The following AGMO variants were observed in gnomAD, a reference collection of about 807,000 sequenced individuals.
AGMO encodes the protein glyceryl-ether monooxygenase.
A neutral mutation model predicts 60.2 loss-of-function variants in AGMO; 75 were observed. The ratio of observed to expected loss-of-function variants is 1.25; its 90% CI spans 1.03 to 1.51. AGMO has a LOEUF of 1.51. Ranked by LOEUF, AGMO falls within the 40% of genes most tolerant of loss-of-function variation. AGMO has a pLI of 0.00. For synonymous variants in AGMO, 261 were observed against 177.1 expected (o/e 1.47, Z -3.76); for missense variants, 763 against 525.5 (o/e 1.45, Z -4.42).
chr7:15,380,562 A>G (rs191791570), intron 10 of AGMO, among the ~76,000 whole-genome samples: 17 of 152,342 alleles, frequency 1.1e-4, no homozygotes, highest in Admixed American at 2.6e-4. Context: ...GCAAGATTCA[A>G]TATCATTTAA....
chr7:15,546,930 A>G (rs1784796609), intron 2 of AGMO, among the ~76,000 whole-genome samples: 1 of 152,202 alleles, frequency 6.6e-6, no homozygotes, highest in Non-Finnish European at 1.5e-5. Context: ...TACTGAAACT[A>G]TGAAATCTTA....
intron 3 of AGMO, among the ~76,000 whole-genome samples, chr7:15,453,707 C>T (rs1781915713): frequency 6.6e-6 from 1 of 152,036 alleles, no homozygotes; most frequent in African/African-American, 2.4e-5. Context: ...AGGCTTAGAG[C>T]TTCAGCTTGT....
At chr7:15,133,192 G>A in the AGMO span, among the ~76,000 whole-genome samples, 1 of 152,146 alleles carries the variant, frequency 6.6e-6, no homozygotes, top group East Asian at 1.9e-4. Context: ...GTATGAGAGT[G>A]GGAAAGAGTA....
At chr7:15,406,832 A>G (rs1233565524) in intron 5 of AGMO, among the ~76,000 whole-genome samples, 2 of 112,984 alleles carry the variant, frequency 1.8e-5, no homozygotes, top group South Asian at 6.0e-4. Context: ...ACGTATACAC[A>G]TATATGTATA....
At chr7:15,484,308 G>T (rs1782853352) in intron 3 of AGMO, among the ~76,000 whole-genome samples, 1 of 151,956 alleles carries the variant, frequency 6.6e-6, no homozygotes, top group Non-Finnish European at 1.5e-5. Flanking sequence ...CCCATTCTTT[G>T]GCCTGGTACA....
At chr7:15,180,147 G>C in the AGMO span, among the ~76,000 whole-genome samples, 2 of 152,128 alleles carry the variant, frequency 1.3e-5, no homozygotes, top group Non-Finnish European at 2.9e-5. Flanking sequence ...TTTAGCAAAA[G>C]GCTGCTTTGC....
chr7:15,169,980 T>C, the AGMO span, among the ~76,000 whole-genome samples: 4 of 152,254 alleles, frequency 2.6e-5, no homozygotes, highest in Non-Finnish European at 4.4e-5. Flanking sequence ...CCAGTGAACA[T>C]TTGTAACATG....
intron 12 of AGMO, among the ~76,000 whole-genome samples, chr7:15,203,672 T>A (rs189686662): frequency 3.3e-5 from 5 of 152,216 alleles, no homozygotes; most frequent in South Asian, 4.1e-4. Context: ...GATTATGTCA[T>A]CTAATTCTCA....
intron 12 of AGMO, among the ~76,000 whole-genome samples, chr7:15,326,186 T>G (rs887527599): frequency 6.6e-6 from 1 of 151,948 alleles, no homozygotes; most frequent in East Asian, 1.9e-4. Context: ...AAAGGGGGGG[T>G]TAAGGAAAAT....
intron 10 of AGMO, among the ~76,000 whole-genome samples, chr7:15,368,828 T>C (rs1333964919): frequency 6.6e-6 from 1 of 152,066 alleles, no homozygotes; most frequent in African/African-American, 2.4e-5. Context: ...CCCTGGACAA[T>C]ACAAATAACT....
the AGMO span, among the ~76,000 whole-genome samples, chr7:15,194,707 G>T: frequency 6.6e-6 from 1 of 152,138 alleles, no homozygotes; most frequent in African/African-American, 2.4e-5. Context: ...TAAATATGGA[G>T]TTATTAATTT....
the AGMO span, among the ~76,000 whole-genome samples, chr7:15,147,523 A>G: frequency 6.6e-6 from 1 of 151,968 alleles, no homozygotes; most frequent in Non-Finnish European, 1.5e-5. Flanking sequence ...GTTACCTCCC[A>G]CCCCATGACA....
chr7:15,544,822 G>A lies in AGMO; in HGVS notation c.359C>T (p.Ala120Val). The A allele has an allele frequency of 6.2e-7, 1 of 1,609,824 alleles. No homozygotes were observed. Among genetic ancestry groups the A allele is most frequent in the Admixed American group, 1.7e-5 (1 of 59,448 alleles). The change falls in exon 3 of 13, where the codon GCC becomes GTC. Residue 120 changes from alanine to valine, a missense_variant. Ala to Val is a moderately conservative substitution (Grantham distance 64). Coordinates refer to ENST00000342526, the MANE Select transcript of AGMO (RefSeq NM_001004320.2). ...PWDSPWTWYS[A>V]FLGVDFGYYW... Reference sequence around the variant, plus strand: ...GTAGCCAAAGTCAACTCCTAAGAAGGCTGAATACCAAGTCCATGGAGAATC... The same window carrying A: ...GTAGCCAAAGTCAACTCCTAAGAAGACTGAATACCAAGTCCATGGAGAATC...
chr7:15,403,127 A>T (rs1406033112), intron 5 of AGMO, among the ~76,000 whole-genome samples: 2 of 151,904 alleles, frequency 1.3e-5, no homozygotes, highest in African/African-American at 4.8e-5. Context: ...CGCAGTAGAG[A>T]TATTTGAATT....
rs1273447604 is a variant in AGMO, at chr7:15,390,897, G to A, written c.685C>T (p.Arg229Cys). ...GCATAATTTTTGTCTATGCAATAAC[G>A]ATTTCTGCCTATGAGACAAAATATT... ...SHHRVHHGRN[R>C]YCIDKNYAGV... Residue 229 changes from arginine to cysteine, a missense_variant, in exon 7 of 13, where the codon CGT (arginine) becomes TGT (cysteine). Coordinates refer to ENST00000342526, the MANE Select transcript of AGMO (RefSeq NM_001004320.2). 7.5e-6 allele frequency: 12 copies of A among 1,594,662 alleles called. No individual in the cohort carries two copies. Among genetic ancestry groups the A allele is most frequent in the African/African-American group, 1.3e-5 (1 of 74,346 alleles).
the AGMO span, among the ~76,000 whole-genome samples, chr7:15,143,825 T>C: frequency 6.6e-6 from 1 of 152,140 alleles, no homozygotes; most frequent in African/African-American, 2.4e-5. Flanking sequence ...GAGAATAGCT[T>C]TGGTCATCGT....
intron 12 of AGMO, among the ~76,000 whole-genome samples, chr7:15,327,752 T>TC (rs2128542859): frequency 7.1e-6 from 1 of 139,932 alleles, no homozygotes; most frequent in Non-Finnish European, 1.5e-5. Context: ...TTTTTTTTTT[T>TC]TTTTTTTTTT....
At chr7:15,155,595 G>C in the AGMO span, among the ~76,000 whole-genome samples, 1 of 151,552 alleles carries the variant, frequency 6.6e-6, no homozygotes, top group African/African-American at 2.4e-5. Flanking sequence ...ATCTTGATGA[G>C]CTTCTTTGGC....
At chr7:15,243,382 T>G (rs1373244463) in intron 12 of AGMO, among the ~76,000 whole-genome samples, 1 of 152,022 alleles carries the variant, frequency 6.6e-6, no homozygotes, top group Non-Finnish European at 1.5e-5. Context: ...AGAAACCTTA[T>G]GAGCTAGATG....
Sources: gnomAD v4.1 joint callset for allele counts (sites outside exome capture counted in the v4.1 genomes callset) on GRCh38, gnomAD v4.1.1 for gene constraint, MANE v1.5 for transcripts, NCBI Gene and HGNC (gene_info 2026-07-23, HGNC 2026-07-21) for gene names.